Variants in RSF1 observed in about 807,000 individuals in gnomAD.
RSF1 encodes the protein HBV pX-associated protein 8.
Under a neutral mutation model 145.2 loss-of-function variants are expected in RSF1, and 13 were observed. The ratio of observed to expected loss-of-function variants is 0.09; its 90% CI spans 0.06 to 0.14. The LOEUF (loss-of-function observed/expected upper bound fraction) is 0.14, where lower values mean the gene tolerates loss of function less well. Among genes scored for constraint, RSF1 ranks in the 10% least tolerant of loss-of-function variants. The pLI is 1.00. For missense variants in RSF1, 1,517 were observed against 1,718.2 expected (o/e 0.88, Z 2.07); for synonymous variants, 577 against 592.6 (o/e 0.97, Z 0.38).
intron 1 of RSF1, among the ~76,000 whole-genome samples, chr11:77,788,740 GAA>G (rs760869898): frequency 2.6e-5 from 4 of 152,038 alleles, no homozygotes; most frequent in African/African-American, 9.7e-5. Context: ...TAGAAACAAA[GAA>G]AAGTCTTAAA....
chr11:77,803,886 C>T (rs1948651103), intron 1 of RSF1, among the ~76,000 whole-genome samples: 1 of 152,150 alleles, frequency 6.6e-6, no homozygotes. Context: ...TCAAGATCAG[C>T]CTGAGCAACA....
chr11:77,673,597 C>G (rs183754627), intron 14 of RSF1, among the ~76,000 whole-genome samples: 191 of 152,264 alleles, frequency 1.3e-3, no homozygotes, highest in African/African-American at 4.3e-3. Flanking sequence ...GGGAAATGTT[C>G]TTCCTTACAG....
At chr11:77,702,552 TAA>T in intron 5 of RSF1, 57 bp from the exon 6 acceptor site, 1 of 1,168,434 alleles carries the variant, frequency 8.6e-7, no homozygotes. Flanking sequence ...CTATAAAATA[TAA>T]GACTTAGTAT....
Position 77,701,866 on chromosome 11 carries a change from A to G in RSF1, c.1363T>C (p.Phe455Leu). ...EVSDERVAPN[F>L]KTEPIETKFY... is the part of the protein sequence containing the mutation. The stretch of plus-strand genomic sequence containing the variant: ...TTTGTCTCTATTGGTTCTGTCTTAA[A>G]ATTTGGAGCTACCCTTTCATCACTA... Residue 455 changes from phenylalanine (F) to leucine (L), a missense_variant, in exon 6 of 16, where the codon TTT becomes CTT. Transcript: ENST00000308488. 1 of 1,614,050 alleles carries G rather than the reference A, an allele frequency of 6.2e-7. No homozygotes were observed. Among genetic ancestry groups the G allele is most frequent in the Non-Finnish European group, 8.5e-7 (1 of 1,179,994 alleles).
intron 8 of RSF1, among the ~76,000 whole-genome samples, chr11:77,692,893 G>T (rs1960192715): frequency 6.6e-6 from 1 of 151,824 alleles, no homozygotes; most frequent in African/African-American, 2.4e-5. Context: ...GGCCAGGATG[G>T]TCTCGATCTC....
chr11:77,755,178 A>G (rs1244693989), intron 2 of RSF1, among the ~76,000 whole-genome samples: 1 of 152,224 alleles, frequency 6.6e-6, no homozygotes, highest in Admixed American at 6.5e-5. Context: ...CATGGCTGCT[A>G]TGTAGAAAAT....
chr11:77,688,719 G>A (rs1460043288), intron 9 of RSF1, among the ~76,000 whole-genome samples: 1 of 152,096 alleles, frequency 6.6e-6, no homozygotes, highest in Non-Finnish European at 1.5e-5. Flanking sequence ...GAGCCCAGGA[G>A]TTCCAAGACC....
chr11:77,734,383 C>T, intron 4 of RSF1: 1 of 872,456 alleles, frequency 1.1e-6, no homozygotes, highest in Non-Finnish European at 1.9e-6. Context: ...TTTGGTACAA[C>T]TTATAGAAAA....
At chr11:77,836,620 G>A in the RSF1 span, among the ~76,000 whole-genome samples, 2 of 152,166 alleles carry the variant, frequency 1.3e-5, no homozygotes, top group Admixed American at 6.5e-5. Context: ...AAACATACTC[G>A]TTATGTCTCT....
chr11:77,819,790 G>A (rs1325328132), intron 1 of RSF1, among the ~76,000 whole-genome samples: 2 of 152,108 alleles, frequency 1.3e-5, no homozygotes, highest in East Asian at 3.9e-4. Context: ...AGAGGAAGGA[G>A]AACTATGGAG....
intron 2 of RSF1, 143 bp downstream of exon 2, chr11:77,764,455 T>C: frequency 1.7e-6 from 1 of 588,080 alleles, no homozygotes; most frequent in Admixed American, 3.3e-5. Flanking sequence ...GAGAATCACA[T>C]ACTTGCAGTC....
intron 1 of RSF1, among the ~76,000 whole-genome samples, chr11:77,808,727 G>T (rs1402452341): frequency 8.2e-6 from 1 of 121,450 alleles, no homozygotes; most frequent in Non-Finnish European, 1.6e-5. Context: ...TAGAGACGGG[G>T]TTTCACCGTG....
At chr11:77,761,738 A>C (rs1343527575) in intron 2 of RSF1, among the ~76,000 whole-genome samples, 1 of 152,146 alleles carries the variant, frequency 6.6e-6, no homozygotes. Context: ...GCCAAGTAAA[A>C]GGAATGTGAA....
chr11:77,856,143 C>G, the RSF1 span, among the ~76,000 whole-genome samples: 1 of 152,136 alleles, frequency 6.6e-6, no homozygotes, highest in African/African-American at 2.4e-5. Context: ...GGTCTTCCAC[C>G]AGATACCCTA....
At chr11:77,822,885 T>C (rs1948982657), upstream of RSF1, among the ~76,000 whole-genome samples, 1 of 152,226 alleles carries the variant, frequency 6.6e-6, no homozygotes, top group South Asian at 2.1e-4. Context: ...GCATATTTTA[T>C]GTTACATGTA....
At chr11:77,813,990 C>T (rs1025760406) in intron 1 of RSF1, among the ~76,000 whole-genome samples, 1 of 152,050 alleles carries the variant, frequency 6.6e-6, no homozygotes, top group Non-Finnish European at 1.5e-5. Context: ...CACCTGAAGC[C>T]AGGAGTTCAA....
In RSF1 at chr11:77,673,137, A is replaced by C. The variant is rs112709785; in HGVS notation, c.3563-907T>G. ...CTGTTCTACCTGTCACTATAGTCAT[A>C]ATGTATTGCAGAGGTTATGCCCTCT... On this transcript the variant is annotated intron_variant, in intron 14 of 15. Transcript: ENST00000308488. Among the ~76,000 whole-genome samples the C allele has an allele frequency of 4.3e-4, 66 of 152,334 alleles. 1 individual carries two copies. The highest frequency in any genetic ancestry group is 1.5e-3 in the African/African-American group (62 of 41,568).
intron 5 of RSF1, among the ~76,000 whole-genome samples, chr11:77,708,710 T>C (rs1028031299): frequency 6.6e-6 from 1 of 152,152 alleles, no homozygotes; most frequent in African/African-American, 2.4e-5. Context: ...AAACCAAAAT[T>C]GTCAATAAAG....
At chr11:77,711,449 A>G (rs894232816) in intron 5 of RSF1, among the ~76,000 whole-genome samples, 3 of 152,164 alleles carry the variant, frequency 2.0e-5, no homozygotes, top group African/African-American at 7.2e-5. Flanking sequence ...CGAGCGGATC[A>G]CAAGGTCAGG....
Sources: gnomAD v4.1 joint callset for allele counts (sites outside exome capture counted in the v4.1 genomes callset) on GRCh38, gnomAD v4.1.1 for gene constraint, MANE v1.5 for transcripts, NCBI Gene and HGNC (gene_info 2026-07-23, HGNC 2026-07-21) for gene names.